The following CLMP variants were observed in gnomAD, a reference collection of about 807,000 sequenced individuals.
The protein encoded by CLMP is CXADR like cell adhesion molecule, also known as CXADR-like membrane protein.
A neutral mutation model predicts 45.2 loss-of-function variants in CLMP; 27 were observed. The observed-to-expected ratio is 0.60, with a 90% confidence interval of 0.44 to 0.82. The LOEUF (loss-of-function observed/expected upper bound fraction) is 0.82. Ranked by LOEUF, CLMP falls within the 40% of genes least tolerant of loss-of-function variation. The probability of loss-of-function intolerance (pLI) is 0.00; values close to 1 mark genes in which losing one functional copy is unlikely to be tolerated. For missense variants in CLMP, 403 were observed against 448.4 expected (o/e 0.90, Z 0.91); for synonymous variants, 167 against 171.4 (o/e 0.97, Z 0.20).
chr11:123,119,832 A>G (rs184700761), intron 1 of CLMP, among the ~76,000 whole-genome samples: 3,429 of 152,186 alleles, frequency 0.023, 134 homozygotes, highest in African/African-American at 0.077. Flanking sequence ...GATTAGAGGC[A>G]CACGCCACCA....
intron 1 of CLMP, among the ~76,000 whole-genome samples, chr11:123,145,922 TAGCCCTCCCTGG>T (rs1486717352): frequency 2.0e-5 from 3 of 152,188 alleles, no homozygotes; most frequent in African/African-American, 7.2e-5. Flanking sequence ...CTCCCACCTA[TAGCCCTCCCTGG>T]AGGGGAAGGC....
chr11:123,150,532 GAA>G (rs1309027760), intron 1 of CLMP, among the ~76,000 whole-genome samples: 4 of 111,204 alleles, frequency 3.6e-5, no homozygotes, highest in African/African-American at 7.5e-5. Context: ...AGGAAGGAAA[GAA>G]ACAAGCAAGG....
At chr11:123,117,585 C>A (rs1260709855) in intron 1 of CLMP, among the ~76,000 whole-genome samples, 8 of 152,182 alleles carry the variant, frequency 5.3e-5, no homozygotes, top group Non-Finnish European at 1.2e-4. Flanking sequence ...CGCCACCATG[C>A]CTGGCTAATT....
chr11:123,082,164 A>G (rs1865813101), intron 5 of CLMP, among the ~76,000 whole-genome samples: 1 of 152,216 alleles, frequency 6.6e-6, no homozygotes, highest in South Asian at 2.1e-4. Flanking sequence ...ACTTGCCTAG[A>G]ATGGTAGTGG....
intron 1 of CLMP, 23 bp downstream of exon 1, chr11:123,194,890 C>G: frequency 6.2e-7 from 1 of 1,613,420 alleles, no homozygotes; most frequent in African/African-American, 1.3e-5. Context: ...CATCCAAACT[C>G]CCGCCCTCCC....
At chr11:123,107,618 C>T (rs374383168) in intron 1 of CLMP, among the ~76,000 whole-genome samples, 10 of 151,222 alleles carry the variant, frequency 6.6e-5, no homozygotes, top group South Asian at 2.1e-4. Context: ...GCAGTCCTCC[C>T]GCCTCGGCCT....
intron 1 of CLMP, among the ~76,000 whole-genome samples, chr11:123,177,644 C>T (rs1861716139): frequency 6.6e-6 from 1 of 152,124 alleles, no homozygotes; most frequent in African/African-American, 2.4e-5. Flanking sequence ...TCTATACAGT[C>T]TGGACTATAG....
intron 1 of CLMP, among the ~76,000 whole-genome samples, chr11:123,121,367 G>A (rs191528019): frequency 1.3e-3 from 195 of 152,032 alleles, no homozygotes; most frequent in Non-Finnish European, 2.5e-3. Context: ...GCACAATCTC[G>A]GGTCACTGCA....
chr11:123,130,350 T>C (rs10892967), intron 1 of CLMP, among the ~76,000 whole-genome samples: 47,164 of 151,938 alleles, frequency 0.31, 7,673 homozygotes, highest in African/African-American at 0.37. Flanking sequence ...CCCTGGGAGG[T>C]GCTGGGAAAT....
intron 1 of CLMP, among the ~76,000 whole-genome samples, chr11:123,112,694 A>G (rs1860656331): frequency 6.6e-6 from 1 of 151,664 alleles, no homozygotes; most frequent in African/African-American, 2.4e-5. Flanking sequence ...CAAGTTATTT[A>G]CATTCTCTTA....
At chr11:123,133,901 A>G (rs1861028232) in intron 1 of CLMP, among the ~76,000 whole-genome samples, 1 of 152,114 alleles carries the variant, frequency 6.6e-6, no homozygotes, top group South Asian at 2.1e-4. Flanking sequence ...AACCTAGTAA[A>G]AACATGTCTA....
intron 1 of CLMP, among the ~76,000 whole-genome samples, chr11:123,106,037 G>A (rs1565383764): frequency 1.3e-5 from 2 of 151,876 alleles, no homozygotes; most frequent in East Asian, 3.9e-4. Context: ...GGCTGGTCTC[G>A]AACTCCTGAC....
intron 1 of CLMP, among the ~76,000 whole-genome samples, chr11:123,178,801 CTCTA>C (rs1436337265): frequency 6.6e-6 from 1 of 152,160 alleles, no homozygotes; most frequent in Non-Finnish European, 1.5e-5. Flanking sequence ...CTTACAGGGC[CTCTA>C]TCTTTGGGCA....
intron 1 of CLMP, among the ~76,000 whole-genome samples, chr11:123,190,895 G>A (rs950524716): frequency 8.5e-5 from 13 of 152,156 alleles, no homozygotes; most frequent in Non-Finnish European, 7.3e-5. Context: ...CATGGAATTC[G>A]GGTTCCAGTC....
rs1220312376 is a variant in CLMP, at chr11:123,072,420, C to G, written c.*1054G>C. 1 of 152,048 alleles carries G rather than the reference C, an allele frequency of 6.6e-6. No homozygotes were observed. Among genetic ancestry groups the G allele is most frequent in the Non-Finnish European group, 1.5e-5 (1 of 68,006 alleles). The allele number at this position is 152,048 out of a possible 1,614,324, so 9.4% of individuals were successfully genotyped here. On this transcript the variant is annotated 3_prime_UTR_variant, in exon 7 of 7. Transcript: ENST00000448775. Reference sequence around the variant, plus strand: ...ACCTGCTGGATTTTCCTACAGGTGCCTGGCACCATGCCCGGCTACCTTCCT... The same window carrying G: ...ACCTGCTGGATTTTCCTACAGGTGCGTGGCACCATGCCCGGCTACCTTCCT...
At chr11:123,111,593 T>A (rs1449928544) in intron 1 of CLMP, among the ~76,000 whole-genome samples, 1 of 152,162 alleles carries the variant, frequency 6.6e-6, no homozygotes, top group Admixed American at 6.6e-5. Flanking sequence ...CAGAATTTAC[T>A]TAGGGAGGAT....
At chr11:123,107,340 C>T (rs952098876) in intron 1 of CLMP, among the ~76,000 whole-genome samples, 1 of 151,956 alleles carries the variant, frequency 6.6e-6, no homozygotes, top group African/African-American at 2.4e-5. Flanking sequence ...AAGCGATTCT[C>T]CTGCCTCAGC....
chr11:123,120,397 T>C (rs1029060044), intron 1 of CLMP, among the ~76,000 whole-genome samples: 5 of 152,190 alleles, frequency 3.3e-5, no homozygotes, highest in African/African-American at 1.2e-4. Context: ...TCATGTTGTT[T>C]GGTTGAGTTG....
rs1181851913 is a variant in CLMP at position 123,083,189 on chromosome 11, C to T, written c.575G>A (p.Arg192Gln). The T allele has an allele frequency of 3.1e-6, 5 of 1,613,952 alleles. No individual in the cohort carries two copies. Among genetic ancestry groups the T allele is most frequent in the East Asian group, 2.2e-5 (1 of 44,892 alleles). Reference protein sequence around the residue: ...KSRIDYNHPGRVLLQNLTMSY... With the variant: ...KSRIDYNHPGQVLLQNLTMSY... ...CATGGTAAGATTCTGCAGCAGAACT[C>T]GTCCAGGGTGGTTGTAGTCTGCACA... is the stretch of plus-strand genomic sequence containing the variant. The change falls in exon 5 of 7, where the codon CGA becomes CAA. Residue 192 changes from arginine (R) to glutamine (Q), a missense_variant. Arg to Gln is a conservative substitution (Grantham distance 43, BLOSUM62 1). Coordinates refer to ENST00000448775, the MANE Select transcript of CLMP (RefSeq NM_024769.5).
Sources: gnomAD v4.1 joint callset for allele counts (sites outside exome capture counted in the v4.1 genomes callset) on GRCh38, gnomAD v4.1.1 for gene constraint, MANE v1.5 for transcripts, NCBI Gene and HGNC (gene_info 2026-07-23, HGNC 2026-07-21) for gene names.